Variants in TOMM20L observed in about 807,000 individuals in gnomAD.
The protein encoded by TOMM20L is translocase of outer mitochondrial membrane 20 like.
TOMM20L carries 19 observed loss-of-function variants against 20.4 expected under a neutral mutation model. That is an observed-to-expected ratio of 0.93 (90% CI 0.65 to 1.36). The LOEUF (loss-of-function observed/expected upper bound fraction) is 1.36, where lower values mean the gene tolerates loss of function less well. Among genes scored for constraint, TOMM20L ranks in the 40% most tolerant of loss-of-function variants. The probability of loss-of-function intolerance (pLI) is 0.00; values close to 1 mark genes in which losing one functional copy is unlikely to be tolerated. For synonymous variants in TOMM20L, 75 were observed against 79.6 expected (o/e 0.94, Z 0.30); for missense variants, 218 against 203.7 (o/e 1.07, Z -0.43).
chr14:58,400,422 C>CAAA (rs1294392495), intron 2 of TOMM20L, among the ~76,000 whole-genome samples: 1 of 56,440 alleles, frequency 1.8e-5, no homozygotes, highest in Non-Finnish European at 3.6e-5. Flanking sequence ...ACTCTGTCTC[C>CAAA]AAAAAAAAAA....
chr14:58,405,554 C>T (rs2036047119), intron 3 of TOMM20L, among the ~76,000 whole-genome samples: 1 of 152,072 alleles, frequency 6.6e-6, no homozygotes, highest in Admixed American at 6.6e-5. Flanking sequence ...CTCACTCTGT[C>T]ACCCACGCTG....
rs889742813 is a variant in TOMM20L, at chr14:58,396,139, G to A, written c.136+46G>A. On this transcript the variant is annotated intron_variant, in intron 1 of 4. Coordinates refer to ENST00000360945, the MANE Select transcript of TOMM20L (RefSeq NM_207377.3). Reference sequence around the variant, plus strand: ...GGCGCGGCCGGGCCGGGCAGCGCGGGCGGGCTGCCGGCCGGGAGGGCCCCC... The same window carrying A: ...GGCGCGGCCGGGCCGGGCAGCGCGGACGGGCTGCCGGCCGGGAGGGCCCCC... 3 of 1,276,906 alleles carry A rather than the reference G, an allele frequency of 2.3e-6. No homozygotes were observed. In the African/African-American group the frequency reaches 4.7e-5, roughly 20 times the overall value. 79.1% of individuals were successfully genotyped at this position (1,276,906 alleles called of 1,614,324 possible).
intron 2 of TOMM20L, chr14:58,399,016 T>C (rs1594995460): frequency 6.6e-6 from 1 of 152,156 alleles, no homozygotes; most frequent in East Asian, 1.9e-4. Context: ...GTCTCCTAAA[T>C]AGCTGGGACT....
At chr14:58,411,316 C>T (rs949385213), downstream of TOMM20L, among the ~76,000 whole-genome samples, 10 of 151,670 alleles carry the variant, frequency 6.6e-5, no homozygotes, top group African/African-American at 1.9e-4. Context: ...GGCGTGGTGG[C>T]GCATGCCTGT....
chr14:58,412,490 C>A (rs1299535473), downstream of TOMM20L, among the ~76,000 whole-genome samples: 1 of 152,144 alleles, frequency 6.6e-6, no homozygotes, highest in Non-Finnish European at 1.5e-5. Flanking sequence ...CCCTGTCTAT[C>A]AAAATCTCCA....
In TOMM20L at chr14:58,396,043, T is replaced by A; in HGVS notation, c.86T>A (p.Leu29His). Residue 29 changes from leucine to histidine, a missense_variant, in exon 1 of 5, where the codon CTC becomes CAC. Transcript: ENST00000360945. ...GCCTTCCTGGGCTATTGTATTTACCTCAACCGGAAGCGGCGCGGGGACCCC... is the reference window on the plus strand; with the variant it reads ...GCCTTCCTGGGCTATTGTATTTACCACAACCGGAAGCGGCGCGGGGACCCC... ...AFAFLGYCIYLNRKRRGDPAF... is the reference protein window; with the variant it reads ...AFAFLGYCIYHNRKRRGDPAF... The A allele has an allele frequency of 7.0e-7, 1 of 1,427,706 alleles. No homozygotes were observed. The highest frequency in any genetic ancestry group is 9.2e-7 in the Non-Finnish European group (1 of 1,086,076). 88.4% of individuals were successfully genotyped at this position (1,427,706 alleles called of 1,614,324 possible).
chr14:58,400,516 G>A (rs967970222), intron 2 of TOMM20L, among the ~76,000 whole-genome samples: 1 of 151,956 alleles, frequency 6.6e-6, no homozygotes, highest in African/African-American at 2.4e-5. Flanking sequence ...TTTTCCTAGG[G>A]ATTGGAAATA....
At chr14:58,409,210 A>G (rs941691195), downstream of TOMM20L, 5 of 1,596,242 alleles carry the variant, frequency 3.1e-6, no homozygotes, top group Non-Finnish European at 4.3e-6. Context: ...ACACAAAAAT[A>G]TGAATTTTTT....
intron 4 of TOMM20L, 157 bp from the exon 5 acceptor site, chr14:58,408,372 G>A (rs2036098293): frequency 3.2e-6 from 2 of 617,694 alleles, no homozygotes; most frequent in South Asian, 4.2e-5. Flanking sequence ...AGCTGAGATT[G>A]TGCCGTTGCA....
At chr14:58,397,978 C>T (rs919088871) in intron 2 of TOMM20L, among the ~76,000 whole-genome samples, 21 of 152,020 alleles carry the variant, frequency 1.4e-4, no homozygotes, top group South Asian at 2.1e-4. Flanking sequence ...CAGTTCATGC[C>T]GACTGAGTAA....
chr14:58,414,569 C>T, the TOMM20L span, among the ~76,000 whole-genome samples: 4 of 151,812 alleles, frequency 2.6e-5, no homozygotes, highest in Non-Finnish European at 4.4e-5. Flanking sequence ...GAAACCGCAT[C>T]TCTACTGAAA....
At chr14:58,413,803 C>A in the TOMM20L span, among the ~76,000 whole-genome samples, 1 of 151,006 alleles carries the variant, frequency 6.6e-6, no homozygotes, top group Admixed American at 6.6e-5. Flanking sequence ...GTCAGGAGAT[C>A]GAGACCATCC....
At chr14:58,396,276 A>T (rs2035916861) in intron 1 of TOMM20L, 22 bp from the exon 2 acceptor site, 1 of 1,612,642 alleles carries the variant, frequency 6.2e-7, no homozygotes, top group African/African-American at 1.3e-5. Flanking sequence ...CCCAGCCAGC[A>T]TGTGCCGTGT....
At chr14:58,409,088 A>C (rs779696743), downstream of TOMM20L, 2 of 1,613,948 alleles carry the variant, frequency 1.2e-6, no homozygotes, top group Non-Finnish European at 1.7e-6. Flanking sequence ...CATTCTGCTG[A>C]ATATGATATT....
chr14:58,413,618 G>A (rs1402115920), downstream of TOMM20L, among the ~76,000 whole-genome samples: 1 of 152,138 alleles, frequency 6.6e-6, no homozygotes, highest in East Asian at 1.9e-4. Context: ...GTAGGACTTA[G>A]GTTCAGTTAA....
intron 3 of TOMM20L, among the ~76,000 whole-genome samples, chr14:58,406,410 C>T (rs2036057847): frequency 6.6e-6 from 1 of 152,116 alleles, no homozygotes; most frequent in Non-Finnish European, 1.5e-5. Context: ...TTCCTATAAC[C>T]ATGTATTTCA....
intron 2 of TOMM20L, among the ~76,000 whole-genome samples, chr14:58,397,119 C>G (rs1017733070): frequency 5.3e-5 from 8 of 152,198 alleles, no homozygotes; most frequent in African/African-American, 1.9e-4. Flanking sequence ...AACTAGAACT[C>G]CTGGCCACAA....
At chr14:58,402,124 A>G (rs1162195818) in intron 2 of TOMM20L, among the ~76,000 whole-genome samples, 1 of 152,202 alleles carries the variant, frequency 6.6e-6, no homozygotes, top group Non-Finnish European at 1.5e-5. Flanking sequence ...AAAATTTGGT[A>G]TGAGAGTTAT....
chr14:58,407,676 C>T (rs777094660), intron 4 of TOMM20L, among the ~76,000 whole-genome samples: 35 of 152,106 alleles, frequency 2.3e-4, no homozygotes, highest in Non-Finnish European at 3.5e-4. Context: ...TTGTATTATC[C>T]GTATTTCAAC....
Sources: allele counts gnomAD v4.1 joint callset (sites outside exome capture counted in the v4.1 genomes callset), GRCh38; gene constraint gnomAD v4.1.1; transcripts MANE v1.5; gene names NCBI Gene and HGNC (gene_info 2026-07-23, HGNC 2026-07-21).